LYRM4: variants seen among roughly 807,000 people sequenced by gnomAD.
LYRM4 encodes LYR motif-containing protein 4.
LYRM4 carries 9 observed loss-of-function variants against 11.7 expected under a neutral mutation model. The observed-to-expected ratio is 0.77, with a 90% CI of 0.46 to 1.34. The LOEUF (loss-of-function observed/expected upper bound fraction) is 1.34, where lower values mean the gene tolerates loss of function less well. LYRM4 is among the 40% of genes most tolerant of loss of function. LYRM4 has a pLI of 0.00. For synonymous variants in LYRM4, 42 were observed against 40.4 expected (o/e 1.04, Z -0.15); for missense variants, 133 against 112.5 (o/e 1.18, Z -0.82).
At chr6:5,037,600 C>T in the LYRM4 span, among the ~76,000 whole-genome samples, 2 of 81,504 alleles carry the variant, frequency 2.5e-5, no homozygotes, top group African/African-American at 7.1e-5. Context: ...GCAGAGGCGC[C>T]CCTCACCTCC....
chr6:5,200,143 T>G (rs1232037327), intron 2 of LYRM4, among the ~76,000 whole-genome samples: 3 of 152,170 alleles, frequency 2.0e-5, no homozygotes, highest in African/African-American at 7.2e-5. Flanking sequence ...TATAAATATA[T>G]AGGACACTGT....
chr6:5,142,069 G>A (rs1757437368), intron 2 of LYRM4, among the ~76,000 whole-genome samples: 1 of 152,078 alleles, frequency 6.6e-6, no homozygotes, highest in African/African-American at 2.4e-5. Flanking sequence ...TGTGGCAGAT[G>A]GTGTTTTCCA....
the LYRM4 span, among the ~76,000 whole-genome samples, chr6:5,059,835 C>G: frequency 6.7e-6 from 1 of 149,684 alleles, no homozygotes; most frequent in Non-Finnish European, 1.5e-5. Context: ...GGGTCTTGCT[C>G]TGTTGCCCAG....
In LYRM4 at chr6:5,223,342, T is replaced by A. The variant is rs149949891; in HGVS notation, c.87-6604A>T. ...AGTAGTGTGCTAAGTACTTGATACA[T>A]ATTGATCTCATTTAATCCTCACAAA... On this transcript the variant is annotated intron_variant, in intron 1 of 2. Transcript: ENST00000330636. Among the ~76,000 whole-genome samples, 1,480 of 152,320 alleles carry A rather than the reference T, an allele frequency of 9.7e-3. 7 individuals are homozygous for A. The highest frequency in any genetic ancestry group is 0.015 in the Non-Finnish European group (1,034 of 68,020).
At chr6:5,033,993 A>C in the LYRM4 span, 1 of 152,274 alleles carries the variant, frequency 6.6e-6, no homozygotes, top group Non-Finnish European at 1.5e-5. Context: ...ACTAGAAACA[A>C]GTGGTCCTTC....
chr6:5,076,886 T>C, the LYRM4 span, among the ~76,000 whole-genome samples: 1 of 152,196 alleles, frequency 6.6e-6, no homozygotes, highest in African/African-American at 2.4e-5. Context: ...CTCATGCTCA[T>C]GGCCTCACCT....
chr6:5,115,115 C>T (rs1054971165), intron 2 of LYRM4, among the ~76,000 whole-genome samples: 1 of 152,178 alleles, frequency 6.6e-6, no homozygotes, highest in African/African-American at 2.4e-5. Context: ...TTTAATCACT[C>T]CCATATGATG....
chr6:5,099,030 C>CCA (rs1299516499), downstream of LYRM4, among the ~76,000 whole-genome samples: 43 of 152,106 alleles, frequency 2.8e-4, no homozygotes, highest in Admixed American at 2.8e-3. This position sits in a 1 kb window ranked among gnomAD's most constrained non-coding sequence, Gnocchi z 4.3. Flanking sequence ...CAGCCATTGT[C>CCA]CACACTGACT....
intron 2 of LYRM4, among the ~76,000 whole-genome samples, chr6:5,112,112 C>T (rs1049029113): frequency 7.9e-5 from 12 of 152,162 alleles, no homozygotes; most frequent in Admixed American, 1.3e-4. Context: ...GAAGGGAGGG[C>T]GCTCTTCTGT....
chr6:5,086,695 G>T, the LYRM4 span: 1 of 747,096 alleles, frequency 1.3e-6, no homozygotes, highest in South Asian at 1.9e-5. Context: ...GGAGGGAAAG[G>T]AGGGAGACTT....
chr6:5,186,384 A>G (rs1428263390), intron 2 of LYRM4, among the ~76,000 whole-genome samples: 1 of 152,154 alleles, frequency 6.6e-6, no homozygotes, highest in Non-Finnish European at 1.5e-5. Context: ...TTCCTTTGGA[A>G]GCAAAATGCA....
chr6:5,185,718 C>G (rs1418028298), intron 2 of LYRM4, among the ~76,000 whole-genome samples: 2 of 152,162 alleles, frequency 1.3e-5, no homozygotes, highest in Non-Finnish European at 2.9e-5. Context: ...GTTTCAACAC[C>G]TGTGCTCTGA....
the LYRM4 span, among the ~76,000 whole-genome samples, chr6:5,038,032 G>A: frequency 1.8e-5 from 1 of 55,132 alleles, no homozygotes; most frequent in African/African-American, 4.9e-5. Flanking sequence ...GGACGGAGGG[G>A]CTCCTCACTT....
intron 2 of LYRM4, among the ~76,000 whole-genome samples, chr6:5,182,919 A>T (rs1006833878): frequency 6.6e-6 from 1 of 152,250 alleles, no homozygotes; most frequent in African/African-American, 2.4e-5. Context: ...TTATTGTAAA[A>T]GATTTAATCT....
At chr6:5,174,054 CA>C (rs1759580139) in intron 2 of LYRM4, among the ~76,000 whole-genome samples, 1 of 152,222 alleles carries the variant, frequency 6.6e-6, no homozygotes, top group South Asian at 2.1e-4. Flanking sequence ...GTGAGAACTG[CA>C]ACCCAGTGTG....
chr6:5,237,716 A>C (rs1422273850), intron 1 of LYRM4, among the ~76,000 whole-genome samples: 1 of 152,104 alleles, frequency 6.6e-6, no homozygotes, highest in Non-Finnish European at 1.5e-5. Flanking sequence ...AGATATGCTA[A>C]GCTGTGTCTG....
chr6:5,162,779 C>T (rs919358047), intron 2 of LYRM4, among the ~76,000 whole-genome samples: 6 of 152,096 alleles, frequency 3.9e-5, no homozygotes, highest in Non-Finnish European at 8.8e-5. Flanking sequence ...TCTTTAAGAA[C>T]GTCATTAGTA....
At chr6:5,192,079 ATAT>A (rs1232683070) in intron 2 of LYRM4, among the ~76,000 whole-genome samples, 1 of 152,194 alleles carries the variant, frequency 6.6e-6, no homozygotes, top group Admixed American at 6.5e-5. Context: ...GTTATAAAAG[ATAT>A]TATAGGACAA....
At chr6:5,260,611 G>GGCCCCCCCC in intron 1 of LYRM4, 37 bp downstream of exon 1, 28 of 1,377,676 alleles carry the variant, frequency 2.0e-5, no homozygotes, top group Non-Finnish European at 2.6e-5. Flanking sequence ...CCGGCCCCTG[G>GGCCCCCCCC]CCCCCCGCCC....
Sources: gnomAD v4.1 joint callset for allele counts (sites outside exome capture counted in the v4.1 genomes callset) on GRCh38, gnomAD v4.1.1 for gene constraint, Gnocchi (gnomAD v3.1) non-coding constraint, MANE v1.5 for transcripts, NCBI Gene and HGNC (gene_info 2026-07-23, HGNC 2026-07-21) for gene names.